MAST2: variants seen among roughly 807,000 people sequenced by gnomAD.
MAST2 encodes the protein microtubule-associated serine/threonine-protein kinase 2.
In MAST2, 70 loss-of-function variants were observed where a neutral mutation model predicts 147.4. That is an observed-to-expected ratio of 0.47 (90% CI 0.39 to 0.58). The LOEUF (loss-of-function observed/expected upper bound fraction) is 0.58. Among genes scored for constraint, MAST2 ranks in the 20% least tolerant of loss-of-function variants. MAST2 has a pLI of 0.00. For synonymous variants in MAST2, 869 were observed against 896.8 expected, an observed-to-expected ratio of 0.97 and a Z score of 0.55; for missense variants, 2,080 against 2,302.3, an observed-to-expected ratio of 0.90 and a Z score of 1.98.
chr1:45,885,147 C>G (rs542494371), intron 4 of MAST2, among the ~76,000 whole-genome samples: 2 of 152,276 alleles, frequency 1.3e-5, no homozygotes, highest in South Asian at 2.1e-4. Context: ...ATAGCCTGAT[C>G]TGGAAAATTT....
In MAST2 at chr1:46,008,514, G is replaced by C. The variant is rs997273773; in HGVS notation, c.978+143G>C. 6.3e-6 allele frequency: 4 copies of C among 633,226 alleles called. No individual in the cohort carries two copies. The African/African-American group carries it at 7.4e-5, about 12-fold the overall frequency. The allele number at this position is 633,226 out of a possible 1,614,324, so 39.2% of individuals were successfully genotyped here. ...AGAAGAACAGAAAGTCAGCCAGGAG[G>C]CTGTGGACACAGCAACAAGGGCTTC... On this transcript the variant is annotated intron_variant, in intron 9 of 28. Coordinates refer to ENST00000361297, the MANE Select transcript of MAST2 (RefSeq NM_015112.3).
chr1:45,925,270 C>T (rs1654184237), intron 4 of MAST2, among the ~76,000 whole-genome samples: 1 of 152,156 alleles, frequency 6.6e-6, no homozygotes, highest in Admixed American at 6.5e-5. Flanking sequence ...CGTTTTATGC[C>T]TTGATTGGAA....
intron 5 of MAST2, among the ~76,000 whole-genome samples, chr1:45,986,611 A>G (rs11211240): frequency 1 from 151,591 of 151,846 alleles, 75,672 homozygotes; most frequent in Middle Eastern, 1. Context: ...CCAGCTACTC[A>G]GAGGCTGAGG....
intron 3 of MAST2, among the ~76,000 whole-genome samples, chr1:45,839,129 A>ATTTTTTTTTTTTTTTT (rs370950575): frequency 7.8e-6 from 1 of 127,608 alleles, no homozygotes; most frequent in African/African-American, 3.1e-5. Flanking sequence ...ACCATCACAA[A>ATTTTTTTTTTTTTTTT]TTTTTTTTTT....
At chr1:45,997,189 G>T (rs1335673577) in intron 5 of MAST2, among the ~76,000 whole-genome samples, 1 of 152,158 alleles carries the variant, frequency 6.6e-6, no homozygotes, top group African/African-American at 2.4e-5. Flanking sequence ...TTGTAGACTT[G>T]GGGGCCTTGA....
In MAST2 at chr1:45,959,447, C is replaced by T. The variant is rs769150909; in HGVS notation, c.562C>T (p.Arg188Trp). ...VTSSTSPTLPRPHSPLHGHTG... is the reference protein window; with the variant it reads ...VTSSTSPTLPWPHSPLHGHTG... ...CTCTAGCACATCACCTACACTACCACGGCCACACTCACCACTCCATGGCCA... is the reference window on the plus strand; with the variant it reads ...CTCTAGCACATCACCTACACTACCATGGCCACACTCACCACTCCATGGCCA... The change falls in exon 5 of 29, where the codon CGG becomes TGG. Residue 188 changes from arginine (R) to tryptophan (W), a missense_variant. Coordinates refer to ENST00000361297, the MANE Select transcript of MAST2 (RefSeq NM_015112.3). The T allele has an allele frequency of 6.2e-6, 10 of 1,613,616 alleles. No homozygotes were observed. Among genetic ancestry groups the T allele is most frequent in the East Asian group, 4.5e-5 (2 of 44,886 alleles).
At chr1:45,838,100 A>C (rs950572476) in intron 3 of MAST2, among the ~76,000 whole-genome samples, 1 of 151,474 alleles carries the variant, frequency 6.6e-6, no homozygotes, top group African/African-American at 2.4e-5. Flanking sequence ...AATTTTAGCC[A>C]TACTAGTGGA....
chr1:45,820,834 C>CT (rs59059194), intron 1 of MAST2, among the ~76,000 whole-genome samples: 69 of 102,802 alleles, frequency 6.7e-4, no homozygotes, highest in African/African-American at 8.8e-4. Context: ...ACTCTGTCTG[C>CT]TTTTTTTTTT....
chr1:45,966,743 C>T (rs957817100), intron 5 of MAST2, among the ~76,000 whole-genome samples: 1 of 152,042 alleles, frequency 6.6e-6, no homozygotes, highest in Non-Finnish European at 1.5e-5. Flanking sequence ...AAGAAAAACT[C>T]CCAGGCCGCC....
Position 46,023,169 on chromosome 1 carries a change from G to T in MAST2, c.1486-64G>T. The T allele has an allele frequency of 6.9e-7, 1 of 1,453,894 alleles. No homozygotes were observed. The highest frequency in any genetic ancestry group is 9.7e-7 in the Non-Finnish European group (1 of 1,034,140). The allele number at this position is 1,453,894 out of a possible 1,614,324, so 90.1% of individuals were successfully genotyped here. ...CAGCTGAGAAGATGCTAGAGCCACA[G>T]CTTCTGCAAGGATATGGGCTCTGAG... On this transcript the variant is annotated intron_variant, in intron 13 of 28. Transcript: ENST00000361297. This position sits in a 1 kb window ranked among gnomAD's most constrained non-coding sequence, Gnocchi z 4.9.
At chr1:45,821,293 A>T (rs567554519) in intron 1 of MAST2, among the ~76,000 whole-genome samples, 2 of 152,070 alleles carry the variant, frequency 1.3e-5, no homozygotes, top group African/African-American at 4.8e-5. Context: ...TTCTGATGAG[A>T]TATGAGCTGT....
chr1:45,889,297 G>T (rs1253386339), intron 4 of MAST2, among the ~76,000 whole-genome samples: 1 of 151,798 alleles, frequency 6.6e-6, no homozygotes, highest in Non-Finnish European at 1.5e-5. Flanking sequence ...GGTGGTACTC[G>T]CACCTCAGTC....
At chr1:45,940,621 ATTT>A (rs372778900) in intron 4 of MAST2, among the ~76,000 whole-genome samples, 1 of 141,078 alleles carries the variant, frequency 7.1e-6, no homozygotes, top group Non-Finnish European at 1.5e-5. Flanking sequence ...AAGGTTGAGG[ATTT>A]TTTTTTTTTT....
chr1:45,882,473 GTGGAGGAA>G, intron 4 of MAST2, 78 bp downstream of exon 4: 2 of 1,131,582 alleles, frequency 1.8e-6, no homozygotes, highest in Non-Finnish European at 2.7e-6. Context: ...CCACTATCAT[GTGGAGGAA>G]TCCCGCTCAG....
chr1:45,959,302 C>T lies in MAST2; in HGVS notation c.501-84C>T, dbSNP rs1660072552. ...ACTGTGCGGCCCGTGGAATGGTGTCCCTCTTTAGTTCCTTAAAAACCACTC... is the reference window on the plus strand; with the variant it reads ...ACTGTGCGGCCCGTGGAATGGTGTCTCTCTTTAGTTCCTTAAAAACCACTC... On this transcript the variant is annotated intron_variant, in intron 4 of 28. Coordinates refer to ENST00000361297, the MANE Select transcript of MAST2 (RefSeq NM_015112.3). The T allele has an allele frequency of 3.0e-6, 3 of 993,862 alleles. No individual in the cohort carries two copies. In the East Asian group the frequency reaches 7.3e-5, roughly 24 times the overall value. 61.6% of individuals were successfully genotyped at this position (993,862 alleles called of 1,614,324 possible).
intron 10 of MAST2, among the ~76,000 whole-genome samples, chr1:46,017,752 C>T (rs935504568): frequency 1.8e-4 from 27 of 152,126 alleles, no homozygotes; most frequent in African/African-American, 6.5e-4. Context: ...TTGTGGAAGT[C>T]AGTGGGGCGA....
At chr1:45,949,477 C>A (rs1384651273) in intron 4 of MAST2, among the ~76,000 whole-genome samples, 1 of 152,178 alleles carries the variant, frequency 6.6e-6, no homozygotes, top group Admixed American at 6.5e-5. Context: ...AGCTCAATAT[C>A]ACCGAGCATT....
At chr1:45,933,425 T>A (rs770694957) in intron 4 of MAST2, among the ~76,000 whole-genome samples, 4 of 152,094 alleles carry the variant, frequency 2.6e-5, no homozygotes, top group Non-Finnish European at 4.4e-5. Context: ...TGTTTTTATA[T>A]TTGTAACTTC....
At chr1:45,826,602 G>T (rs902050546) in intron 2 of MAST2, among the ~76,000 whole-genome samples, 3 of 151,906 alleles carry the variant, frequency 2.0e-5, no homozygotes, top group African/African-American at 7.3e-5. Context: ...GTCCTTCCTT[G>T]GCCTCCCAAA....
Sources: gnomAD v4.1 joint callset for allele counts (sites outside exome capture counted in the v4.1 genomes callset) on GRCh38, gnomAD v4.1.1 for gene constraint, Gnocchi (gnomAD v3.1) non-coding constraint, MANE v1.5 for transcripts, NCBI Gene and HGNC (gene_info 2026-07-23, HGNC 2026-07-21) for gene names.